Variants in MITF observed in about 807,000 individuals in gnomAD.
MITF encodes melanocyte inducing transcription factor, also known as microphthalmia-associated transcription factor.
In MITF, 17 loss-of-function variants were observed where a neutral mutation model predicts 60.5. That is an observed-to-expected ratio of 0.28 (90% CI 0.19 to 0.42). The LOEUF (loss-of-function observed/expected upper bound fraction) is 0.42, where lower values mean the gene tolerates loss of function less well. Ranked by LOEUF, MITF falls within the 10% of genes least tolerant of loss-of-function variation. The pLI is 1.00. For missense variants in MITF, 622 were observed against 683.5 expected, an observed-to-expected ratio of 0.91 and a Z score of 1.00; for synonymous variants, 260 against 248.5, an observed-to-expected ratio of 1.05 and a Z score of -0.43.
chr3:69,875,515 A>G (rs41370746), intron 1 of MITF, among the ~76,000 whole-genome samples: 3,983 of 152,244 alleles, frequency 0.026, 158 homozygotes, highest in African/African-American at 0.087. Context: ...AAGGAATCAG[A>G]CTCATGGAAT....
chr3:69,864,473 C>T (rs1030239444), intron 1 of MITF, among the ~76,000 whole-genome samples: 3 of 152,190 alleles, frequency 2.0e-5, no homozygotes, highest in South Asian at 4.1e-4. Flanking sequence ...GAGCAATCTG[C>T]CCACTTTTCT....
chr3:69,765,922 T>C (rs1256407561), intron 1 of MITF, among the ~76,000 whole-genome samples: 1 of 152,230 alleles, frequency 6.6e-6, no homozygotes, highest in Non-Finnish European at 1.5e-5. Flanking sequence ...CAAATGTCAT[T>C]GTGGAGCTTT....
At chr3:69,774,319 C>A (rs542390498) in intron 1 of MITF, among the ~76,000 whole-genome samples, 2 of 152,102 alleles carry the variant, frequency 1.3e-5, no homozygotes, top group Non-Finnish European at 2.9e-5. Flanking sequence ...GGTTTAGGGA[C>A]CGTCTTTTAT....
At chr3:69,960,516 A>G (rs1446014131) in intron 9 of MITF, among the ~76,000 whole-genome samples, 1 of 152,172 alleles carries the variant, frequency 6.6e-6, no homozygotes, top group Admixed American at 6.5e-5. Context: ...CCTCAAAAAC[A>G]GACTCCCTGT....
intron 1 of MITF, among the ~76,000 whole-genome samples, chr3:69,762,160 T>C (rs374632445): frequency 6.6e-6 from 1 of 152,148 alleles, no homozygotes; most frequent in Non-Finnish European, 1.5e-5. Flanking sequence ...GTGCAAAGTA[T>C]TGAGTTAAAT....
intron 8 of MITF, among the ~76,000 whole-genome samples, chr3:69,957,265 A>G (rs2066422791): frequency 1.3e-5 from 2 of 152,214 alleles, no homozygotes; most frequent in African/African-American, 2.4e-5. Flanking sequence ...GCAAGGGGCT[A>G]GAAAATGTAT....
At chr3:69,904,127 A>G (rs1031252881) in intron 2 of MITF, among the ~76,000 whole-genome samples, 2 of 152,060 alleles carry the variant, frequency 1.3e-5, no homozygotes, top group Non-Finnish European at 1.5e-5. Flanking sequence ...TAATTTTTTT[A>G]TTAATTATTG....
At chr3:69,947,479 A>T (rs536906730) in intron 5 of MITF, among the ~76,000 whole-genome samples, 6 of 152,294 alleles carry the variant, frequency 3.9e-5, no homozygotes, top group South Asian at 2.1e-4. Context: ...ACCTATTTCA[A>T]CTAAAACCAC....
intron 1 of MITF, among the ~76,000 whole-genome samples, chr3:69,772,997 G>T (rs1043363358): frequency 6.6e-6 from 1 of 152,200 alleles, no homozygotes; most frequent in Non-Finnish European, 1.5e-5. Context: ...GCTGGTAAGT[G>T]TTATAGAGAA....
chr3:69,963,550 T>G (rs1224070017), intron 9 of MITF, among the ~76,000 whole-genome samples: 1 of 152,208 alleles, frequency 6.6e-6, no homozygotes, highest in East Asian at 1.9e-4. Flanking sequence ...AATAGCATTT[T>G]TATTTTGTTA....
intron 1 of MITF, among the ~76,000 whole-genome samples, chr3:69,764,792 G>A (rs1318972530): frequency 3.3e-5 from 5 of 152,162 alleles, no homozygotes; most frequent in African/African-American, 1.2e-4. Flanking sequence ...CAGAGCCTTT[G>A]CTCCTTTAAG....
In MITF at chr3:69,941,901, T is replaced by C. The variant is rs75497946; in HGVS notation, c.762+570T>C. Reference sequence around the variant, plus strand: ...TCATTCCTTACATTTTAGTCTTATGTTACTGTTTTACCAAAGTCTTATTGC... The same window carrying C: ...TCATTCCTTACATTTTAGTCTTATGCTACTGTTTTACCAAAGTCTTATTGC... On this transcript the variant is annotated intron_variant, in intron 5 of 9. Coordinates refer to ENST00000352241, the MANE Select transcript of MITF (RefSeq NM_001354604.2). Among the ~76,000 whole-genome samples the C allele has an allele frequency of 5.4e-3, 818 of 152,336 alleles. 7 individuals are homozygous for C. The highest frequency in any genetic ancestry group is 7.7e-3 in the Admixed American group (117 of 15,290).
intron 1 of MITF, among the ~76,000 whole-genome samples, chr3:69,806,007 T>A (rs1331656255): frequency 1.3e-5 from 2 of 152,090 alleles, no homozygotes; most frequent in African/African-American, 2.4e-5. Flanking sequence ...TATGACTTAG[T>A]CCATTTAATA....
intron 4 of MITF, 57 bp downstream of exon 4, chr3:69,939,238 G>C: frequency 6.8e-7 from 1 of 1,478,726 alleles, no homozygotes. Flanking sequence ...ATCTATATTT[G>C]TGGTGGATCA....
chr3:69,768,249 A>G (rs187568443), intron 1 of MITF, among the ~76,000 whole-genome samples: 37 of 152,320 alleles, frequency 2.4e-4, no homozygotes, highest in African/African-American at 8.7e-4. Flanking sequence ...TCTATAGGAA[A>G]TTTTGGAGGA....
chr3:69,923,915 T>G (rs554791411), intron 2 of MITF, among the ~76,000 whole-genome samples: 16 of 142,826 alleles, frequency 1.1e-4, no homozygotes, highest in Admixed American at 4.8e-4. Context: ...TTTTTGTTTG[T>G]TTTTTTTTGG....
At chr3:69,932,727 G>A (rs1235331986) in intron 2 of MITF, among the ~76,000 whole-genome samples, 2 of 152,078 alleles carry the variant, frequency 1.3e-5, no homozygotes, top group African/African-American at 4.8e-5. Flanking sequence ...GTAATTGTGG[G>A]ACTGAAAAGA....
intron 1 of MITF, among the ~76,000 whole-genome samples, chr3:69,833,049 G>A (rs1184400023): frequency 1.3e-5 from 2 of 152,170 alleles, no homozygotes; most frequent in Admixed American, 6.5e-5. Context: ...TGTTCACACT[G>A]TATGTGATTG....
chr3:69,771,672 C>G (rs2062396263), intron 1 of MITF, among the ~76,000 whole-genome samples: 1 of 152,144 alleles, frequency 6.6e-6, no homozygotes, highest in African/African-American at 2.4e-5. Context: ...TTCAACAGTT[C>G]TAGTAGTTTT....
Sources: gnomAD v4.1 joint callset for allele counts (sites outside exome capture counted in the v4.1 genomes callset) on GRCh38, gnomAD v4.1.1 for gene constraint, MANE v1.5 for transcripts, NCBI Gene and HGNC (gene_info 2026-07-23, HGNC 2026-07-21) for gene names.